Variants in ST6GALNAC3 observed in about 807,000 individuals in gnomAD.
ST6GALNAC3 encodes the protein ST6 N-acetylgalactosaminide alpha-2,6-sialyltransferase 3.
ST6GALNAC3 carries 25 observed loss-of-function variants against 32.7 expected under a neutral mutation model. The observed-to-expected ratio is 0.76, with a 90% CI of 0.56 to 1.07. The LOEUF (loss-of-function observed/expected upper bound fraction) is 1.07. Ranked by LOEUF, ST6GALNAC3 falls within the 50% of genes least tolerant of loss-of-function variation. ST6GALNAC3 has a pLI of 0.00. For synonymous variants in ST6GALNAC3, 129 were observed against 133.1 expected (o/e 0.97, Z 0.21); for missense variants, 355 against 382.4 (o/e 0.93, Z 0.60).
At chr1:76,563,676 A>G (rs1280002913) in intron 3 of ST6GALNAC3, among the ~76,000 whole-genome samples, 1 of 152,202 alleles carries the variant, frequency 6.6e-6, no homozygotes, top group Non-Finnish European at 1.5e-5. Context: ...GTCTTAATTT[A>G]CCCAGTGGAG....
chr1:76,513,744 G>A (rs922057859), intron 3 of ST6GALNAC3, among the ~76,000 whole-genome samples: 1 of 151,996 alleles, frequency 6.6e-6, no homozygotes, highest in African/African-American at 2.4e-5. Flanking sequence ...GGATAACTTT[G>A]GGTAGTATGG....
chr1:76,528,768 G>A (rs1384203771), intron 3 of ST6GALNAC3, among the ~76,000 whole-genome samples: 1 of 151,410 alleles, frequency 6.6e-6, no homozygotes, highest in Non-Finnish European at 1.5e-5. Context: ...AAAACAACGA[G>A]CAAGAATATC....
intron 3 of ST6GALNAC3, among the ~76,000 whole-genome samples, chr1:76,584,341 G>A (rs1169242604): frequency 6.6e-6 from 1 of 152,132 alleles, no homozygotes; most frequent in Non-Finnish European, 1.5e-5. Flanking sequence ...CAGAATAAAC[G>A]CTGAATGAAT....
At chr1:76,423,691 A>G (rs1228688272) in intron 3 of ST6GALNAC3, among the ~76,000 whole-genome samples, 1 of 151,950 alleles carries the variant, frequency 6.6e-6, no homozygotes, top group Admixed American at 6.6e-5. Context: ...TTACTAGATA[A>G]CTCATGCAAA....
At chr1:76,130,185 A>T (rs1243494120) in intron 1 of ST6GALNAC3, among the ~76,000 whole-genome samples, 1 of 152,232 alleles carries the variant, frequency 6.6e-6, no homozygotes, top group African/African-American at 2.4e-5. Flanking sequence ...CAAACTTGCC[A>T]TAGTCCCTGT....
intron 1 of ST6GALNAC3, among the ~76,000 whole-genome samples, chr1:76,216,959 G>A (rs1655501173): frequency 6.6e-6 from 1 of 152,124 alleles, no homozygotes; most frequent in Non-Finnish European, 1.5e-5. Context: ...TTTTAAAAAT[G>A]CCAACACTGA....
At chr1:76,196,612 T>G (rs918605187) in intron 1 of ST6GALNAC3, among the ~76,000 whole-genome samples, 4 of 151,978 alleles carry the variant, frequency 2.6e-5, no homozygotes, top group Non-Finnish European at 5.9e-5. Context: ...ATTACAGGCT[T>G]GTGCCACCAT....
At chr1:76,423,298 T>C (rs773162836) in intron 3 of ST6GALNAC3, among the ~76,000 whole-genome samples, 1 of 152,018 alleles carries the variant, frequency 6.6e-6, no homozygotes, top group Non-Finnish European at 1.5e-5. Flanking sequence ...TTCAGTTCTC[T>C]GACTTATCAT....
At chr1:76,627,369 C>T in intron 3 of ST6GALNAC3, 83 bp from the exon 4 acceptor site, 1 of 861,774 alleles carries the variant, frequency 1.2e-6, no homozygotes, top group South Asian at 1.6e-5. Flanking sequence ...TGAAATGTTG[C>T]TCGTTTCTCA....
At position 76,183,866 on chromosome 1, in the gene ST6GALNAC3, ATATATATG is replaced by A. The variant is rs1440383738; in HGVS notation, c.18+108986_18+108993del. Among the ~76,000 whole-genome samples the A allele has an allele frequency of 1.6e-4, 24 of 146,092 alleles. 1 individual carries two copies. Among genetic ancestry groups the A allele is most frequent in the Non-Finnish European group, 2.8e-4 (19 of 66,780 alleles). ...GTAGTGCATGAATATATATATATAT[ATATATATG>A]TATGTTACTGAATATGTTATATATT... On this transcript the variant is annotated intron_variant, in intron 1 of 4. Transcript: ENST00000328299.
chr1:76,117,490 A>C (rs534303140), intron 1 of ST6GALNAC3, among the ~76,000 whole-genome samples: 412 of 152,328 alleles, frequency 2.7e-3, no homozygotes, highest in Non-Finnish European at 3.5e-3. Context: ...GGTGATGCAA[A>C]CAGCAATATT....
rs1003319529 is a variant in ST6GALNAC3 at position 76,630,280 on chromosome 1, G to T, written c.*1474G>T. 1.2e-5 allele frequency: 12 copies of T among 985,104 alleles called. No individual in the cohort carries two copies. Among genetic ancestry groups the T allele is most frequent in the Non-Finnish European group, 1.4e-5 (12 of 829,804 alleles). 61.0% of individuals were successfully genotyped at this position (985,104 alleles called of 1,614,324 possible). A position where few individuals can be genotyped will look rare whatever the true frequency, so the allele number is the denominator to read the frequency against. On this transcript the variant is annotated 3_prime_UTR_variant, in exon 5 of 5. Transcript: ENST00000328299. ...AAGGATGGTCTTGGCCATATGCTAG[G>T]GCCCCTGTGAAAATAAGTAGTTTTG...
At chr1:76,298,579 T>C (rs1270569781) in intron 1 of ST6GALNAC3, among the ~76,000 whole-genome samples, 1 of 152,028 alleles carries the variant, frequency 6.6e-6, no homozygotes, top group Non-Finnish European at 1.5e-5. Flanking sequence ...CATGTCTTCC[T>C]TTCTGTGAAG....
chr1:76,559,283 C>A (rs1665107998), intron 3 of ST6GALNAC3, among the ~76,000 whole-genome samples: 1 of 152,136 alleles, frequency 6.6e-6, no homozygotes, highest in Non-Finnish European at 1.5e-5. Flanking sequence ...TAAGACAAAT[C>A]ACCCTTCCAA....
intron 1 of ST6GALNAC3, among the ~76,000 whole-genome samples, chr1:76,155,901 G>A (rs1443929345): frequency 6.6e-6 from 1 of 152,144 alleles, no homozygotes; most frequent in Non-Finnish European, 1.5e-5. Flanking sequence ...ACTTTATTCG[G>A]ATTTCCTTTA....
At chr1:76,504,205 T>C (rs1661339760) in intron 3 of ST6GALNAC3, among the ~76,000 whole-genome samples, 1 of 152,196 alleles carries the variant, frequency 6.6e-6, no homozygotes, top group Non-Finnish European at 1.5e-5. Context: ...GGCTGCTGAC[T>C]ACACCTGGCA....
intron 3 of ST6GALNAC3, among the ~76,000 whole-genome samples, chr1:76,478,911 C>T (rs966021808): frequency 2.2e-4 from 33 of 151,536 alleles, no homozygotes; most frequent in Non-Finnish European, 2.4e-4. Context: ...CACAGGTGCC[C>T]GCCACCACGC....
intron 2 of ST6GALNAC3, among the ~76,000 whole-genome samples, chr1:76,314,352 C>G (rs1183221717): frequency 6.6e-6 from 1 of 152,084 alleles, no homozygotes; most frequent in Non-Finnish European, 1.5e-5. Context: ...TGTAGGTCAA[C>G]TGGTTGGGGA....
intron 3 of ST6GALNAC3, among the ~76,000 whole-genome samples, chr1:76,587,213 A>G (rs908790582): frequency 6.6e-6 from 1 of 152,202 alleles, no homozygotes; most frequent in Admixed American, 6.5e-5. Context: ...ACAAGGAAAG[A>G]GACGTGTTTG....
Sources: allele counts gnomAD v4.1 joint callset (sites outside exome capture counted in the v4.1 genomes callset), GRCh38; gene constraint gnomAD v4.1.1; transcripts MANE v1.5; gene names NCBI Gene and HGNC (gene_info 2026-07-23, HGNC 2026-07-21).